RGS6: variants seen among roughly 807,000 people sequenced by gnomAD.
RGS6 encodes regulator of G-protein signaling 6.
RGS6 carries 30 observed loss-of-function variants against 78.5 expected under a neutral mutation model. The ratio of observed to expected loss-of-function variants is 0.38; its 90% CI spans 0.29 to 0.52. RGS6 has a LOEUF of 0.52. RGS6 is among the 20% of genes least tolerant of loss of function. RGS6 has a pLI of 0.85. For synonymous variants in RGS6, 206 were observed against 206.0 expected (o/e 1.00, Z 0.00); for missense variants, 495 against 609.7 (o/e 0.81, Z 1.98).
chr14:72,196,991 A>G (rs1248212231), intron 2 of RGS6, among the ~76,000 whole-genome samples: 1 of 152,232 alleles, frequency 6.6e-6, no homozygotes, highest in Non-Finnish European at 1.5e-5. Flanking sequence ...TGAGAATGAA[A>G]GAAAAGATTG....
At chr14:72,512,252 T>A (rs1219186424) in intron 14 of RGS6, among the ~76,000 whole-genome samples, 2 of 152,172 alleles carry the variant, frequency 1.3e-5, no homozygotes, top group African/African-American at 4.8e-5. Context: ...GACCCAGAGT[T>A]TGGTCATTGT....
chr14:72,510,071 C>A, intron 13 of RGS6, 83 bp from the exon 14 acceptor site: 1 of 1,452,140 alleles, frequency 6.9e-7, no homozygotes, highest in Non-Finnish European at 9.2e-7. Flanking sequence ...GACTGCAAAA[C>A]AGACTTGAGT....
intron 2 of RGS6, among the ~76,000 whole-genome samples, chr14:72,257,500 A>G (rs1466510827): frequency 6.6e-6 from 1 of 152,172 alleles, no homozygotes; most frequent in Non-Finnish European, 1.5e-5. Context: ...AAAAGTGAGG[A>G]AGGTGGGAGA....
intron 2 of RGS6, among the ~76,000 whole-genome samples, chr14:72,070,618 C>T (rs2094374089): frequency 6.6e-6 from 1 of 152,160 alleles, no homozygotes; most frequent in Admixed American, 6.5e-5. Flanking sequence ...ACCCTGAACT[C>T]TGAACCCTGA....
At chr14:72,096,929 G>T (rs1779545369) in intron 2 of RGS6, among the ~76,000 whole-genome samples, 1 of 152,210 alleles carries the variant, frequency 6.6e-6, no homozygotes, top group Admixed American at 6.5e-5. Flanking sequence ...GGGATTGAAA[G>T]GGTTATCAAA....
At chr14:72,502,788 AAAAG>A (rs1177076254) in intron 13 of RGS6, among the ~76,000 whole-genome samples, 3 of 152,154 alleles carry the variant, frequency 2.0e-5, no homozygotes, top group Non-Finnish European at 4.4e-5. Context: ...AAAGAAAAGA[AAAAG>A]AAGTAACTGG....
intron 2 of RGS6, among the ~76,000 whole-genome samples, chr14:71,993,782 C>T (rs1406880982): frequency 1.3e-5 from 2 of 151,988 alleles, no homozygotes; most frequent in Non-Finnish European, 2.9e-5. Flanking sequence ...GGAATCTGAC[C>T]CAGACTTTCA....
chr14:71,981,191 T>G (rs1220904783), intron 2 of RGS6, among the ~76,000 whole-genome samples: 1 of 150,726 alleles, frequency 6.6e-6, no homozygotes, highest in Non-Finnish European at 1.5e-5. Context: ...TTTCAACTTC[T>G]TTGCCTTTGG....
rs559912114 is a variant in RGS6, at chr14:72,197,055, T to G, written c.85-155040T>G. Among the ~76,000 whole-genome samples the G allele has an allele frequency of 4.6e-5, 7 of 152,246 alleles. No individual in the cohort carries two copies. In the South Asian group the frequency reaches 1.4e-3, roughly 32 times the overall value. On this transcript the variant is annotated intron_variant, in intron 2 of 17. Transcript: ENST00000553525. ...CCTCAGCCCTCCAAATTCCAAATAT[T>G]TTCTTTTTTCTTTCTTTTTGTTTCT...
At chr14:72,497,421 T>C (rs1357321946) in intron 13 of RGS6, among the ~76,000 whole-genome samples, 3 of 152,186 alleles carry the variant, frequency 2.0e-5, no homozygotes, top group African/African-American at 7.2e-5. Flanking sequence ...ACTTGAATCA[T>C]ATATTTTATC....
chr14:72,140,430 G>A (rs2096523811), intron 2 of RGS6, among the ~76,000 whole-genome samples: 1 of 152,190 alleles, frequency 6.6e-6, no homozygotes. Context: ...AGATGGAATT[G>A]ACACAAGATG....
intron 17 of RGS6, among the ~76,000 whole-genome samples, chr14:72,557,145 C>A (rs1191782680): frequency 6.6e-6 from 1 of 152,224 alleles, no homozygotes; most frequent in Non-Finnish European, 1.5e-5. Flanking sequence ...TAACGGGTTC[C>A]ATAGCCCGGT....
the RGS6 span, chr14:72,594,324 C>T: frequency 6.6e-6 from 1 of 152,200 alleles, no homozygotes; most frequent in African/African-American, 2.4e-5. Flanking sequence ...AACTCGAACT[C>T]ACCTGTGGGG....
the RGS6 span, chr14:72,619,906 C>G: frequency 6.5e-7 from 1 of 1,532,098 alleles, no homozygotes; most frequent in Non-Finnish European, 8.7e-7. Context: ...TCATTACCTT[C>G]TGGGGGCTCA....
chr14:72,576,721 C>T, the RGS6 span, among the ~76,000 whole-genome samples: 10 of 152,330 alleles, frequency 6.6e-5, no homozygotes, highest in African/African-American at 2.4e-4. Context: ...CACTGTCAAT[C>T]AAGGCTTCTC....
At chr14:72,573,297 T>G in the RGS6 span, among the ~76,000 whole-genome samples, 1 of 152,228 alleles carries the variant, frequency 6.6e-6, no homozygotes, top group Non-Finnish European at 1.5e-5. Context: ...CAGGGACACT[T>G]GAGCTCTAAG....
At chr14:72,214,279 C>T (rs557415478) in intron 2 of RGS6, among the ~76,000 whole-genome samples, 200 of 151,318 alleles carry the variant, frequency 1.3e-3, no homozygotes, top group South Asian at 3.6e-3. Flanking sequence ...TGGGCTCAAG[C>T]GATCCTCCCA....
intron 2 of RGS6, among the ~76,000 whole-genome samples, chr14:72,016,388 C>T (rs1046084654): frequency 7.2e-5 from 11 of 152,062 alleles, no homozygotes; most frequent in African/African-American, 4.8e-5. Context: ...TTTTTTGAAA[C>T]GGAGTCTCGC....
chr14:71,877,254 A>T, the RGS6 span, among the ~76,000 whole-genome samples: 2 of 152,196 alleles, frequency 1.3e-5, no homozygotes, highest in Non-Finnish European at 2.9e-5. Context: ...CTCCTGGATA[A>T]TATCCTTAAG....
Sources: gnomAD v4.1 joint callset for allele counts (sites outside exome capture counted in the v4.1 genomes callset) on GRCh38, gnomAD v4.1.1 for gene constraint, MANE v1.5 for transcripts, NCBI Gene and HGNC (gene_info 2026-07-23, HGNC 2026-07-21) for gene names.